DAB1: variants seen among roughly 807,000 people sequenced by gnomAD.
The protein encoded by DAB1 is DAB adaptor protein 1, also known as disabled homolog 1.
A neutral mutation model predicts 64.6 loss-of-function variants in DAB1; 15 were observed. The ratio of observed to expected loss-of-function variants is 0.23; its 90% CI spans 0.16 to 0.36. The LOEUF (loss-of-function observed/expected upper bound fraction) is 0.36, where lower values mean the gene tolerates loss of function less well. Among genes scored for constraint, DAB1 ranks in the 10% least tolerant of loss-of-function variants. DAB1 has a pLI of 1.00. For synonymous variants in DAB1, 235 were observed against 251.9 expected (o/e 0.93, Z 0.64); for missense variants, 596 against 706.7 (o/e 0.84, Z 1.78).
At chr1:57,559,459 C>T (rs1436279636) in intron 7 of DAB1, among the ~76,000 whole-genome samples, 1 of 152,174 alleles carries the variant, frequency 6.6e-6, no homozygotes, top group Non-Finnish European at 1.5e-5. Context: ...GACCTCTGGC[C>T]TTTTAACCAG....
chr1:57,579,077 A>G (rs1331412795), intron 7 of DAB1, among the ~76,000 whole-genome samples: 1 of 152,214 alleles, frequency 6.6e-6, no homozygotes, highest in Non-Finnish European at 1.5e-5. Flanking sequence ...AAGATCCCAC[A>G]GAGTTTTAGA....
At chr1:57,390,905 CTAAATACATCTG>C (rs1240659459) in intron 1 of DAB1, among the ~76,000 whole-genome samples, 4 of 152,198 alleles carry the variant, frequency 2.6e-5, no homozygotes, top group African/African-American at 9.6e-5. Context: ...CCTCCTTCTC[CTAAATACATCTG>C]TACGACAAGC....
chr1:57,056,259 G>T (rs1424667529), intron 9 of DAB1, among the ~76,000 whole-genome samples: 1 of 151,356 alleles, frequency 6.6e-6, no homozygotes. Flanking sequence ...AGTGCTTTGG[G>T]AGACCAAGGT....
At chr1:58,335,797 G>A (rs1244611636) in intron 4 of DAB1, among the ~76,000 whole-genome samples, 1 of 152,190 alleles carries the variant, frequency 6.6e-6, no homozygotes, top group Non-Finnish European at 1.5e-5. Context: ...ATTCTGGCCT[G>A]AGTAACTGAA....
chr1:58,536,551 C>CT, intron 1 of DAB1: 1 of 872,838 alleles, frequency 1.1e-6, no homozygotes, highest in Non-Finnish European at 2.0e-6. Context: ...CTGAACTGTT[C>CT]TTTCCCCAAT....
chr1:58,193,604 C>T (rs1366617486), intron 4 of DAB1, among the ~76,000 whole-genome samples: 1 of 152,096 alleles, frequency 6.6e-6, no homozygotes, highest in Non-Finnish European at 1.5e-5. Flanking sequence ...GCCTATAATC[C>T]CAGCACTTTG....
chr1:57,148,197 C>T (rs565897136), intron 2 of DAB1, among the ~76,000 whole-genome samples: 15 of 152,254 alleles, frequency 9.9e-5, no homozygotes, highest in African/African-American at 3.6e-4. Flanking sequence ...CCTTAAGAAA[C>T]ATTTGTCAGG....
intron 3 of DAB1, among the ~76,000 whole-genome samples, chr1:58,455,069 G>T (rs1349650319): frequency 1.3e-5 from 2 of 152,232 alleles, no homozygotes; most frequent in African/African-American, 2.4e-5. Context: ...TTCTGAGGAA[G>T]TGTCTATATT....
intron 6 of DAB1, among the ~76,000 whole-genome samples, chr1:57,665,583 A>G (rs1411327671): frequency 1.3e-5 from 2 of 152,174 alleles, no homozygotes; most frequent in Non-Finnish European, 2.9e-5. Context: ...TTATGACAGG[A>G]TAATTGGAAA....
At chr1:57,851,897 AT>A (rs1350764183) in intron 1 of DAB1, among the ~76,000 whole-genome samples, 1 of 152,066 alleles carries the variant, frequency 6.6e-6, no homozygotes, top group East Asian at 1.9e-4. Flanking sequence ...GCTAACTCCT[AT>A]GTTGTCTCCT....
At chr1:57,498,823 C>A (rs1644258172) in intron 7 of DAB1, among the ~76,000 whole-genome samples, 1 of 152,124 alleles carries the variant, frequency 6.6e-6, no homozygotes, top group Non-Finnish European at 1.5e-5. Flanking sequence ...GTGACTCTAG[C>A]ATGTTTAGTT....
At chr1:58,118,442 T>C (rs1188864891) in intron 5 of DAB1, among the ~76,000 whole-genome samples, 3 of 106,330 alleles carry the variant, frequency 2.8e-5, no homozygotes, top group Non-Finnish European at 5.3e-5. Flanking sequence ...AGGAGATAAC[T>C]TCATGATGCC....
chr1:58,388,751 C>T (rs528063218), intron 3 of DAB1, among the ~76,000 whole-genome samples: 121 of 152,318 alleles, frequency 7.9e-4, no homozygotes, highest in African/African-American at 2.9e-3. Flanking sequence ...TGTTACAGTG[C>T]ATTCTCAGGC....
At chr1:57,439,288 A>G (rs559465271) in intron 7 of DAB1, among the ~76,000 whole-genome samples, 99 of 152,206 alleles carry the variant, frequency 6.5e-4, no homozygotes, top group African/African-American at 2.3e-3. Flanking sequence ...CACATCACCA[A>G]GTCATTGCCT....
At chr1:58,117,410 T>C (rs1476078093) in intron 5 of DAB1, among the ~76,000 whole-genome samples, 1 of 152,220 alleles carries the variant, frequency 6.6e-6, no homozygotes, top group Non-Finnish European at 1.5e-5. Context: ...TGGTTGCCCA[T>C]ATTAGGTTCA....
At chr1:58,404,981 C>A (rs1644602758) in intron 3 of DAB1, among the ~76,000 whole-genome samples, 2 of 152,146 alleles carry the variant, frequency 1.3e-5, no homozygotes, top group South Asian at 4.1e-4. Flanking sequence ...GGCTTTCCAG[C>A]CATATTGAGC....
chr1:57,097,004 T>G (rs1258178620), intron 4 of DAB1, among the ~76,000 whole-genome samples: 1 of 152,172 alleles, frequency 6.6e-6, no homozygotes, highest in Non-Finnish European at 1.5e-5. Flanking sequence ...CCAGCTAGGT[T>G]ATGGCCCCAA....
chr1:57,757,038 G>A (rs571290018), intron 6 of DAB1, among the ~76,000 whole-genome samples: 1 of 152,040 alleles, frequency 6.6e-6, no homozygotes, highest in Admixed American at 6.6e-5. Context: ...ATCAGCTATG[G>A]AAGGTAGTAT....
At chr1:57,035,755 G>A (rs1185361882) in intron 9 of DAB1, among the ~76,000 whole-genome samples, 1 of 149,870 alleles carries the variant, frequency 6.7e-6, no homozygotes, top group Non-Finnish European at 1.5e-5. Flanking sequence ...TTGGTGTTTA[G>A]CACATAGTAG....
Sources: allele counts gnomAD v4.1 joint callset (sites outside exome capture counted in the v4.1 genomes callset), GRCh38; gene constraint gnomAD v4.1.1; transcripts MANE v1.5; gene names NCBI Gene and HGNC (gene_info 2026-07-23, HGNC 2026-07-21).